The following ATP2B2 variants were observed in gnomAD, a reference collection of about 807,000 sequenced individuals.
ATP2B2 encodes plasma membrane calcium-transporting ATPase 2.
In ATP2B2, 15 loss-of-function variants were observed where a neutral mutation model predicts 120.0. The ratio of observed to expected loss-of-function variants is 0.12; its 90% CI spans 0.08 to 0.19. ATP2B2 has a LOEUF of 0.19. ATP2B2 is among the 10% of genes least tolerant of loss of function. The pLI is 1.00. For missense variants in ATP2B2, 1,045 were observed against 1,719.8 expected (o/e 0.61, Z 6.94); for synonymous variants, 694 against 700.3 (o/e 0.99, Z 0.14).
intron 1 of ATP2B2, among the ~76,000 whole-genome samples, chr3:10,504,638 G>A (rs1201443480): frequency 2.0e-5 from 3 of 152,030 alleles, no homozygotes; most frequent in Non-Finnish European, 4.4e-5. Flanking sequence ...GGCTAGAAAG[G>A]GGTTGCTGCT....
chr3:10,394,922 C>A (rs943124634), intron 5 of ATP2B2, among the ~76,000 whole-genome samples: 2 of 152,096 alleles, frequency 1.3e-5, no homozygotes, highest in African/African-American at 4.8e-5. Flanking sequence ...TCTAGTCCTG[C>A]ATTTCCCAGT....
At chr3:10,559,026 T>C (rs146175379) in intron 2 of ATP2B2, among the ~76,000 whole-genome samples, 2 of 152,342 alleles carry the variant, frequency 1.3e-5, no homozygotes, top group Non-Finnish European at 2.9e-5. Context: ...ACTAATTTGT[T>C]TTCCAACATT....
At chr3:10,604,758 C>G (rs2125596924) in intron 2 of ATP2B2, among the ~76,000 whole-genome samples, 1 of 152,282 alleles carries the variant, frequency 6.6e-6, no homozygotes, top group East Asian at 1.9e-4. Flanking sequence ...GAGCAGAGTC[C>G]TACTTCCCTT....
At chr3:10,374,431 G>A (rs1400955560) in intron 11 of ATP2B2, among the ~76,000 whole-genome samples, 7 of 152,270 alleles carry the variant, frequency 4.6e-5, no homozygotes, top group South Asian at 2.1e-4. Context: ...AAATTACATC[G>A]GAGAGCCCAG....
Position 10,343,985 on chromosome 3 carries a change from C to T in ATP2B2, c.2704-1020G>A, listed in dbSNP as rs954399875. Among the ~76,000 whole-genome samples, 1 of 152,062 alleles carries T rather than the reference C, an allele frequency of 6.6e-6. No homozygotes were observed. The highest frequency in any genetic ancestry group is 1.5e-5 in the Non-Finnish European group (1 of 68,004). On this transcript the variant is annotated intron_variant, in intron 18 of 22. Coordinates refer to ENST00000360273, the MANE Select transcript of ATP2B2 (RefSeq NM_001001331.4). This position sits in a 1 kb window ranked among gnomAD's most constrained non-coding sequence, Gnocchi z 4.2. Reference sequence around the variant, plus strand: ...AGCCCAAACCCGATGCTCTTCCCACCTCTGTTCTCTCCCAAAGCCCCATAT... The same window carrying T: ...AGCCCAAACCCGATGCTCTTCCCACTTCTGTTCTCTCCCAAAGCCCCATAT...
At chr3:10,593,510 T>C (rs1349737950) in intron 2 of ATP2B2, among the ~76,000 whole-genome samples, 1 of 152,190 alleles carries the variant, frequency 6.6e-6, no homozygotes, top group Non-Finnish European at 1.5e-5. Context: ...TGGCTAGCCA[T>C]ATGTAGAAAG....
Position 10,410,632 on chromosome 3 carries a change from C to T in ATP2B2, c.383G>A (p.Gly128Asp). 1 of 1,606,928 alleles carries T rather than the reference C, an allele frequency of 6.2e-7. No individual in the cohort carries two copies. Among genetic ancestry groups the T allele is most frequent in the South Asian group, 1.1e-5 (1 of 90,576 alleles). ...SLGLSFYHPP[G>D]EGNEGCATAQ... The stretch of plus-strand genomic sequence containing the variant: ...GCCCATCTTACCTTCGTTGCCCTCG[C>T]CGGGCGGGTGGTAGAAGGACAGCCC... Residue 128 changes from glycine (G) to aspartate (D), a missense_variant, in exon 3 of 23, where the codon GGC becomes GAC. Transcript: ENST00000360273.
At chr3:10,443,218 C>T (rs147521187) in intron 2 of ATP2B2, among the ~76,000 whole-genome samples, 6 of 152,200 alleles carry the variant, frequency 3.9e-5, no homozygotes, top group Admixed American at 6.5e-5. Context: ...GCCATGCTCT[C>T]CTCAAGAGCA....
At chr3:10,698,584 G>C (rs2071773731) in intron 1 of ATP2B2, among the ~76,000 whole-genome samples, 1 of 152,204 alleles carries the variant, frequency 6.6e-6, no homozygotes, top group Non-Finnish European at 1.5e-5. Flanking sequence ...GCTCTGCCTT[G>C]CTTTGGGTGG....
chr3:10,611,101 G>C (rs2069224772), intron 2 of ATP2B2, among the ~76,000 whole-genome samples: 1 of 152,180 alleles, frequency 6.6e-6, no homozygotes, highest in South Asian at 2.1e-4. Context: ...AAATCAAACA[G>C]CTCCAAATCC....
intron 1 of ATP2B2, among the ~76,000 whole-genome samples, chr3:10,453,657 C>T: frequency 6.6e-6 from 1 of 152,226 alleles, no homozygotes; most frequent in East Asian, 1.9e-4. Context: ...TGTTTTCTAT[C>T]TGTGCCTGTG....
At chr3:10,588,887 T>A (rs1266607820) in intron 2 of ATP2B2, among the ~76,000 whole-genome samples, 2 of 152,178 alleles carry the variant, frequency 1.3e-5, no homozygotes, top group Non-Finnish European at 2.9e-5. Flanking sequence ...TATATTTAAG[T>A]CCATCTGGAT....
At chr3:10,523,433 A>T (rs899669565) in intron 3 of ATP2B2, among the ~76,000 whole-genome samples, 2 of 152,224 alleles carry the variant, frequency 1.3e-5, no homozygotes, top group African/African-American at 4.8e-5. Context: ...TCACCATAGA[A>T]CTTACTCCTC....
rs563278464 is a variant in ATP2B2 at position 10,393,939 on chromosome 3, A to T, written c.782-5537T>A. Among the ~76,000 whole-genome samples, 40 of 152,320 alleles carry T rather than the reference A, an allele frequency of 2.6e-4. No individual in the cohort carries two copies. In the South Asian group the frequency reaches 8.1e-3, roughly 31 times the overall value. ...CTAGATGGTGGCAGTCTCGGAGTCA[A>T]AGCCTTCTGCTGTGGCTTGTGGGGT... On this transcript the variant is annotated intron_variant, in intron 5 of 22. Transcript: ENST00000360273.
intron 8 of ATP2B2, among the ~76,000 whole-genome samples, chr3:10,381,434 T>G (rs547918879): frequency 1.3e-5 from 2 of 152,362 alleles, no homozygotes; most frequent in East Asian, 3.9e-4. Flanking sequence ...TTGCATATTA[T>G]CAGATGCAAT....
At chr3:10,545,590 T>C (rs1465967889) in intron 2 of ATP2B2, among the ~76,000 whole-genome samples, 1 of 152,032 alleles carries the variant, frequency 6.6e-6, no homozygotes, top group Non-Finnish European at 1.5e-5. Context: ...AACCCAACCA[T>C]TTTAAGAAAA....
intron 3 of ATP2B2, among the ~76,000 whole-genome samples, chr3:10,530,657 A>G (rs1354587507): frequency 6.6e-6 from 1 of 152,188 alleles, no homozygotes; most frequent in African/African-American, 2.4e-5. Flanking sequence ...ACTCCCCAAA[A>G]GGATAAGCTG....
intron 1 of ATP2B2, among the ~76,000 whole-genome samples, chr3:10,479,285 C>T (rs1345827906): frequency 1.3e-5 from 2 of 151,854 alleles, no homozygotes; most frequent in Non-Finnish European, 2.9e-5. Flanking sequence ...CCTGGCCTTG[C>T]TCCTTCAGCC....
intron 2 of ATP2B2, among the ~76,000 whole-genome samples, chr3:10,563,131 T>C (rs1439914851): frequency 6.6e-6 from 1 of 152,234 alleles, no homozygotes; most frequent in East Asian, 1.9e-4. Flanking sequence ...GTAACTTATA[T>C]TGAGGGTTGG....
Sources: allele counts gnomAD v4.1 joint callset (sites outside exome capture counted in the v4.1 genomes callset), GRCh38; gene constraint gnomAD v4.1.1; non-coding constraint Gnocchi (gnomAD v3.1); transcripts MANE v1.5; gene names NCBI Gene and HGNC (gene_info 2026-07-23, HGNC 2026-07-21).